KCNH8: variants seen among roughly 807,000 people sequenced by gnomAD.
KCNH8 encodes the protein voltage-gated delayed rectifier potassium channel KCNH8.
KCNH8 carries 70 observed loss-of-function variants against 103.6 expected under a neutral mutation model. That is an observed-to-expected ratio of 0.68 (90% CI 0.56 to 0.82). KCNH8 has a LOEUF of 0.82. Among genes scored for constraint, KCNH8 ranks in the 40% least tolerant of loss-of-function variants. KCNH8 has a pLI of 0.00. For synonymous variants in KCNH8, 498 were observed against 489.4 expected (o/e 1.02, Z -0.23); for missense variants, 1,217 against 1,329.9 (o/e 0.92, Z 1.32).
intron 8 of KCNH8, among the ~76,000 whole-genome samples, chr3:19,445,966 G>A (rs375442946): frequency 6.6e-6 from 1 of 151,864 alleles, no homozygotes; most frequent in Admixed American, 6.6e-5. Context: ...ATGGAAATAG[G>A]TACTTAAGCA....
chr3:19,194,039 A>G (rs891868184), intron 1 of KCNH8, among the ~76,000 whole-genome samples: 3 of 151,836 alleles, frequency 2.0e-5, no homozygotes, highest in African/African-American at 7.2e-5. Flanking sequence ...AATTTTAAGC[A>G]AAATTGTAAC....
At chr3:19,295,652 G>C (rs948530867) in intron 3 of KCNH8, among the ~76,000 whole-genome samples, 1 of 152,118 alleles carries the variant, frequency 6.6e-6, no homozygotes, top group Non-Finnish European at 1.5e-5. Context: ...ACTTTTCTTT[G>C]ACCTGCTGGC....
intron 2 of KCNH8, among the ~76,000 whole-genome samples, chr3:19,277,997 TAA>T (rs941116650): frequency 1.3e-5 from 2 of 152,082 alleles, no homozygotes; most frequent in Non-Finnish European, 2.9e-5. Context: ...ACCTTAACCC[TAA>T]GAGAGATTTG....
chr3:19,379,477 T>G (rs2066259351), intron 5 of KCNH8, among the ~76,000 whole-genome samples: 1 of 151,770 alleles, frequency 6.6e-6, no homozygotes, highest in Non-Finnish European at 1.5e-5. Context: ...CCGTCTCTAC[T>G]AAAATACAAA....
At chr3:19,368,826 A>G (rs1006852956) in intron 5 of KCNH8, among the ~76,000 whole-genome samples, 2 of 152,054 alleles carry the variant, frequency 1.3e-5, no homozygotes, top group Non-Finnish European at 2.9e-5. Context: ...TGGTCTCGTC[A>G]AGAAAAATGT....
At chr3:19,227,721 G>A (rs2063947413) in intron 1 of KCNH8, among the ~76,000 whole-genome samples, 1 of 152,194 alleles carries the variant, frequency 6.6e-6, no homozygotes, top group African/African-American at 2.4e-5. Context: ...TATCTGTTAT[G>A]CACCATGTGG....
intron 15 of KCNH8, among the ~76,000 whole-genome samples, chr3:19,527,495 C>T (rs1248428950): frequency 6.6e-6 from 1 of 152,002 alleles, no homozygotes. Flanking sequence ...ATCCTCACAA[C>T]AAGGCCCTTA....
At chr3:19,417,237 T>G (rs2066878131) in intron 7 of KCNH8, among the ~76,000 whole-genome samples, 1 of 149,874 alleles carries the variant, frequency 6.7e-6, no homozygotes, top group East Asian at 1.9e-4. Flanking sequence ...TGTATATATA[T>G]ATATATTTCC....
rs370190841 is a variant in KCNH8 at position 19,257,922 on chromosome 3, G to A, written c.310+4035G>A. 1.6e-4 allele frequency among the ~76,000 whole-genome samples: 24 copies of A among 152,094 alleles called. 1 individual carries two copies. The highest frequency in any genetic ancestry group is 5.5e-4 in the African/African-American group (23 of 41,526). On this transcript the variant is annotated intron_variant, in intron 2 of 15. Coordinates refer to ENST00000328405, the MANE Select transcript of KCNH8 (RefSeq NM_144633.3). The stretch of plus-strand genomic sequence containing the variant: ...CCGTGCCTCTCACTTTGCTGCTGGT[G>A]GTTTGCTGGAAACCTTTGGTGATCC...
intron 3 of KCNH8, among the ~76,000 whole-genome samples, chr3:19,330,853 T>C (rs1228940314): frequency 2.0e-5 from 3 of 152,220 alleles, no homozygotes; most frequent in African/African-American, 7.2e-5. Flanking sequence ...AGGATAATCA[T>C]GTATTGTGAT....
chr3:19,335,435 ATG>A (rs1553638879), intron 3 of KCNH8, among the ~76,000 whole-genome samples: 1 of 145,884 alleles, frequency 6.9e-6, no homozygotes, highest in African/African-American at 2.5e-5. Context: ...GTGTATATAT[ATG>A]TGTGTGTGTA....
intron 11 of KCNH8, among the ~76,000 whole-genome samples, chr3:19,504,850 G>C (rs994682843): frequency 6.6e-6 from 1 of 151,652 alleles, no homozygotes; most frequent in African/African-American, 2.4e-5. Flanking sequence ...AATATACATT[G>C]TTCTACCATA....
chr3:19,362,674 G>A (rs369212958), intron 5 of KCNH8, among the ~76,000 whole-genome samples: 11 of 152,180 alleles, frequency 7.2e-5, no homozygotes, highest in East Asian at 3.9e-4. Context: ...TTTGTTGTTT[G>A]TTTGTTTGAG....
At chr3:19,294,181 G>T (rs2064965876) in intron 3 of KCNH8, among the ~76,000 whole-genome samples, 1 of 152,024 alleles carries the variant, frequency 6.6e-6, no homozygotes, top group Non-Finnish European at 1.5e-5. Context: ...CTGTTGTTAA[G>T]TTTACAAGAA....
chr3:19,507,120 C>T (rs2068707841), intron 11 of KCNH8, among the ~76,000 whole-genome samples: 1 of 152,126 alleles, frequency 6.6e-6, no homozygotes, highest in East Asian at 1.9e-4. Flanking sequence ...GAGCTGGGGG[C>T]CCTGCTTGGT....
Position 19,533,777 on chromosome 3 carries a change from T to C in KCNH8, c.3002T>C (p.Val1001Ala). The C allele has an allele frequency of 6.2e-7, 1 of 1,614,180 alleles. No individual in the cohort carries two copies. The highest frequency in any genetic ancestry group is 8.5e-7 in the Non-Finnish European group (1 of 1,180,008). Residue 1001 changes from valine to alanine, a missense_variant, in exon 16 of 16, where the codon GTC (valine) becomes GCC (alanine). By Grantham distance (64) the Val-to-Ala change is moderately conservative. Coordinates refer to ENST00000328405, the MANE Select transcript of KCNH8 (RefSeq NM_144633.3). The stretch of plus-strand genomic sequence containing the variant: ...TATTCACCTTCCCACTACCAGGTTG[T>C]CCAAGAAGGTCATTTGCAATTTTTA... ...LDYSPSHYQV[V>A]QEGHLQFLRC...
chr3:19,241,733 C>T (rs1408979358), intron 1 of KCNH8, among the ~76,000 whole-genome samples: 1 of 151,774 alleles, frequency 6.6e-6, no homozygotes, highest in Non-Finnish European at 1.5e-5. Context: ...GACACACACA[C>T]ACACACACAC....
chr3:19,505,040 C>A (rs901517963), intron 11 of KCNH8, among the ~76,000 whole-genome samples: 2 of 149,236 alleles, frequency 1.3e-5, no homozygotes, highest in African/African-American at 5.0e-5. Flanking sequence ...TATATATATA[C>A]ACTATATATA....
At chr3:19,442,354 T>C (rs17005972) in intron 8 of KCNH8, among the ~76,000 whole-genome samples, 6,958 of 152,272 alleles carry the variant, frequency 0.046, 378 homozygotes, top group East Asian at 0.26. Flanking sequence ...TTTTGGGAAA[T>C]GCTCAAAGCC....
Sources: allele counts gnomAD v4.1 joint callset (sites outside exome capture counted in the v4.1 genomes callset), GRCh38; gene constraint gnomAD v4.1.1; transcripts MANE v1.5; gene names NCBI Gene and HGNC (gene_info 2026-07-23, HGNC 2026-07-21).